Variants in KIAA1958 observed in about 807,000 individuals in gnomAD.
The protein encoded by KIAA1958 is KIAA1958, also known as uncharacterized protein KIAA1958.
In KIAA1958, 14 loss-of-function variants were observed where a neutral mutation model predicts 47.2. The observed-to-expected ratio is 0.30, with a 90% CI of 0.20 to 0.46. KIAA1958 has a LOEUF of 0.46. Ranked by LOEUF, KIAA1958 falls within the 20% of genes least tolerant of loss-of-function variation. KIAA1958 has a pLI of 1.00. For synonymous variants in KIAA1958, 354 were observed against 353.3 expected, an observed-to-expected ratio of 1.00 and a Z score of -0.02; for missense variants, 803 against 909.2, an observed-to-expected ratio of 0.88 and a Z score of 1.50.
intron 2 of KIAA1958, among the ~76,000 whole-genome samples, chr9:112,629,145 A>C (rs1836667742): frequency 6.6e-6 from 1 of 152,132 alleles, no homozygotes; most frequent in Non-Finnish European, 1.5e-5. Context: ...GTTAATTGGG[A>C]ATAAAAAGAT....
At position 112,543,077 on chromosome 9, in the gene KIAA1958, T is replaced by C. The variant is rs577107835; in HGVS notation, c.-24-30980T>C. ...AGAAATTCTGAGGCTTTAGACAGTT[T>C]GCTACTCACAGATCTCATAAATCAA... On this transcript the variant is annotated intron_variant, in intron 1 of 3. Transcript: ENST00000337530. 1.7e-4 allele frequency among the ~76,000 whole-genome samples: 26 copies of C among 152,326 alleles called. No homozygotes were observed. The South Asian group carries it at 5.4e-3, about 32-fold the overall frequency.
chr9:112,520,731 A>G (rs1233785277), intron 1 of KIAA1958, among the ~76,000 whole-genome samples: 3 of 152,236 alleles, frequency 2.0e-5, no homozygotes, highest in Non-Finnish European at 4.4e-5. Context: ...CAATAAGAAC[A>G]AAGTCAAAAT....
At chr9:112,534,893 A>C (rs1027208697) in intron 1 of KIAA1958, among the ~76,000 whole-genome samples, 1 of 151,954 alleles carries the variant, frequency 6.6e-6, no homozygotes, top group Admixed American at 6.6e-5. Flanking sequence ...TAAGGAGACA[A>C]CCTCTTGAAA....
At chr9:112,596,260 A>G (rs1354340488) in intron 2 of KIAA1958, among the ~76,000 whole-genome samples, 1 of 152,208 alleles carries the variant, frequency 6.6e-6, no homozygotes, top group African/African-American at 2.4e-5. Context: ...TACTGTTTCT[A>G]TGAATCTGAC....
chr9:112,599,080 A>G (rs897621601), intron 2 of KIAA1958, among the ~76,000 whole-genome samples: 2 of 152,206 alleles, frequency 1.3e-5, no homozygotes, highest in African/African-American at 4.8e-5. Flanking sequence ...AGCAAAAAAA[A>G]GGAAAGTAAT....
At chr9:112,489,393 G>A (rs139534383) in intron 1 of KIAA1958, among the ~76,000 whole-genome samples, 2 of 152,040 alleles carry the variant, frequency 1.3e-5, no homozygotes, top group East Asian at 1.9e-4. Context: ...AGTTGTAGTT[G>A]TGCCTGTTTT....
chr9:112,577,671 C>G lies in KIAA1958; in HGVS notation c.1171+2420C>G, dbSNP rs184861446. Among the ~76,000 whole-genome samples, 9 of 151,344 alleles carry G rather than the reference C, an allele frequency of 5.9e-5. No homozygotes were observed. The East Asian group carries it at 1.6e-3, about 26-fold the overall frequency. The stretch of plus-strand genomic sequence containing the variant: ...CTGCAAAGCAAGATGCAAGACTTTT[C>G]TGCATCTGCCTTGTGGATAGTAAAT... On this transcript the variant is annotated intron_variant, in intron 2 of 3. Transcript: ENST00000337530.
At chr9:112,544,326 C>G (rs955281592) in intron 1 of KIAA1958, among the ~76,000 whole-genome samples, 1 of 152,194 alleles carries the variant, frequency 6.6e-6, no homozygotes, top group Non-Finnish European at 1.5e-5. Context: ...ACTCAGAGTT[C>G]TAATTGCTTT....
At chr9:112,636,644 C>T (rs543440560) in intron 2 of KIAA1958, among the ~76,000 whole-genome samples, 213 of 152,106 alleles carry the variant, frequency 1.4e-3, no homozygotes, top group Non-Finnish European at 2.2e-3. Context: ...AGTAATACTT[C>T]TTGTCTTAGT....
chr9:112,612,680 C>T (rs567649533), intron 2 of KIAA1958, among the ~76,000 whole-genome samples: 3 of 152,250 alleles, frequency 2.0e-5, no homozygotes, highest in South Asian at 2.1e-4. Context: ...TGAAGCAGCA[C>T]TCTTATGTCT....
At chr9:112,570,783 G>T (rs1459224202) in intron 1 of KIAA1958, among the ~76,000 whole-genome samples, 1 of 152,218 alleles carries the variant, frequency 6.6e-6, no homozygotes, top group African/African-American at 2.4e-5. Context: ...ATGCGATTAT[G>T]TGGCTGAGAA....
chr9:112,574,000 G>T, intron 1 of KIAA1958, 57 bp from the exon 2 acceptor site: 1 of 879,142 alleles, frequency 1.1e-6, no homozygotes, highest in Non-Finnish European at 1.8e-6. Flanking sequence ...TGAAGTAATT[G>T]AGCTATAGGA....
chr9:112,638,142 C>T (rs1836836265), intron 2 of KIAA1958, among the ~76,000 whole-genome samples: 1 of 151,944 alleles, frequency 6.6e-6, no homozygotes, highest in East Asian at 1.9e-4. Flanking sequence ...GCGAGAGACT[C>T]CATCTCAAAA....
chr9:112,523,181 G>C (rs966831154), intron 1 of KIAA1958, among the ~76,000 whole-genome samples: 3 of 152,138 alleles, frequency 2.0e-5, no homozygotes, highest in South Asian at 4.1e-4. Context: ...GATTGAGGGT[G>C]GTTCCATTAG....
chr9:112,578,839 C>T (rs1221503034), intron 2 of KIAA1958, among the ~76,000 whole-genome samples: 8 of 151,958 alleles, frequency 5.3e-5, no homozygotes, highest in Non-Finnish European at 7.4e-5. Context: ...GTCATAATGA[C>T]ATTTAAATCT....
Position 112,488,519 on chromosome 9 carries a change from C to CT in KIAA1958, c.-25+1407dup, listed in dbSNP as rs535729014. Among the ~76,000 whole-genome samples, 313 of 152,198 alleles carry CT rather than the reference C, an allele frequency of 2.1e-3. 1 individual carries two copies. The highest frequency in any genetic ancestry group is 7.2e-3 in the African/African-American group (297 of 41,530). Reference sequence around the variant, plus strand: ...AATCTACTGCTCCGTTCTGGAAACTCTTTTTTGCCCACCCTGTGAGAATTT... The same window carrying CT: ...AATCTACTGCTCCGTTCTGGAAACTCTTTTTTTGCCCACCCTGTGAGAATTT... On this transcript the variant is annotated intron_variant, in intron 1 of 3. Transcript: ENST00000337530.
chr9:112,647,660 C>T (rs967859506), intron 3 of KIAA1958, among the ~76,000 whole-genome samples: 1 of 152,126 alleles, frequency 6.6e-6, no homozygotes, highest in Non-Finnish European at 1.5e-5. Context: ...TTGAAATTTC[C>T]ATTTCTTGCC....
At chr9:112,570,861 A>G (rs540363349) in intron 1 of KIAA1958, among the ~76,000 whole-genome samples, 2 of 152,342 alleles carry the variant, frequency 1.3e-5, no homozygotes, top group South Asian at 4.1e-4. Flanking sequence ...GTCCAAATCC[A>G]AAGGCCTCAG....
intron 2 of KIAA1958, among the ~76,000 whole-genome samples, chr9:112,609,066 G>A (rs746935657): frequency 9.2e-5 from 14 of 152,296 alleles, no homozygotes; most frequent in African/African-American, 2.4e-4. Flanking sequence ...AGAAGGAGGA[G>A]GATTTGGCCA....
Sources: allele counts gnomAD v4.1 joint callset (sites outside exome capture counted in the v4.1 genomes callset), GRCh38; gene constraint gnomAD v4.1.1; transcripts MANE v1.5; gene names NCBI Gene and HGNC (gene_info 2026-07-23, HGNC 2026-07-21).